RREB1: variants seen among roughly 807,000 people sequenced by gnomAD.
The protein encoded by RREB1 is ras responsive element binding protein 1.
Under a neutral mutation model 117.8 loss-of-function variants are expected in RREB1, and 27 were observed. That is an observed-to-expected ratio of 0.23 (90% CI 0.17 to 0.32). The LOEUF (loss-of-function observed/expected upper bound fraction) is 0.32, where lower values mean the gene tolerates loss of function less well. Among genes scored for constraint, RREB1 ranks in the 10% least tolerant of loss-of-function variants. The pLI is 1.00. For missense variants in RREB1, 2,577 were observed against 2,378.2 expected (o/e 1.08, Z -1.74); for synonymous variants, 1,298 against 1,026.7 (o/e 1.26, Z -5.05).
intron 8 of RREB1, among the ~76,000 whole-genome samples, chr6:7,223,017 G>A (rs562180641): frequency 2.0e-5 from 3 of 152,120 alleles, no homozygotes; most frequent in Non-Finnish European, 4.4e-5. Context: ...CACTTTGGGA[G>A]GCCAATTCAG....
In RREB1 at chr6:7,230,987, C is replaced by T. The variant is rs149129914; in HGVS notation, c.2888C>T (p.Ala963Val). ...PSEAKKPEEE[A>V]GSSEQPSPCP... ...GAAGCCAAGAAGCCTGAGGAGGAGG[C>T]GGGGAGCAGCGAGCAGCCCTCTCCC... The change falls in exon 10 of 13, where the codon GCG becomes GTG. Residue 963 changes from alanine (A) to valine (V), a missense_variant. Transcript: ENST00000379938. The T allele has an allele frequency of 2.3e-4, 364 of 1,614,078 alleles. No individual in the cohort carries two copies. In the African/African-American group the frequency reaches 3.6e-3, roughly 16 times the overall value.
In RREB1 at chr6:7,118,783, C is replaced by T. The variant is rs1330434271; in HGVS notation, c.-285+10723C>T. Among the ~76,000 whole-genome samples, 8 of 147,328 alleles carry T rather than the reference C, an allele frequency of 5.4e-5. No individual in the cohort carries two copies. In the Admixed American group the frequency reaches 5.5e-4, roughly 10 times the overall value. On this transcript the variant is annotated intron_variant, in intron 1 of 12. Transcript: ENST00000379938. ...GTTTTTCACCACCAAATTTGCCAAT[C>T]CCATGGTGTTTTTTTTAATTTTTTT...
chr6:7,239,242 A>C (rs530025490), intron 10 of RREB1, among the ~76,000 whole-genome samples: 1 of 152,224 alleles, frequency 6.6e-6, no homozygotes, highest in Non-Finnish European at 1.5e-5. Flanking sequence ...ACTGGGCCCC[A>C]GCTCTGAAGT....
Position 7,171,079 on chromosome 6 carries a change from C to G in RREB1, c.-284-5576C>G, listed in dbSNP as rs776722097. On this transcript the variant is annotated intron_variant, in intron 1 of 12. Coordinates refer to ENST00000379938, the MANE Select transcript of RREB1 (RefSeq NM_001003699.4). ...TTCTCCCTGCCTCGTGTTGGTGGAT[C>G]TTCTCTGCAAGGTCAGCTCATCAGA... Among the ~76,000 whole-genome samples, 13 of 152,312 alleles carry G rather than the reference C, an allele frequency of 8.5e-5. No homozygotes were observed. The East Asian group carries it at 2.1e-3, about 25-fold the overall frequency.
intron 6 of RREB1, among the ~76,000 whole-genome samples, chr6:7,200,068 T>A (rs1765865641): frequency 6.6e-6 from 1 of 152,198 alleles, no homozygotes; most frequent in African/African-American, 2.4e-5. Flanking sequence ...GACAGTCTCT[T>A]GTGTAGCCTG....
chr6:7,126,283 A>G (rs572154283), intron 1 of RREB1, among the ~76,000 whole-genome samples: 2 of 150,854 alleles, frequency 1.3e-5, no homozygotes, highest in Admixed American at 6.6e-5. Context: ...TACAGGCGTG[A>G]GCCACTGCGC....
At chr6:7,196,485 T>C (rs1223562714) in intron 6 of RREB1, among the ~76,000 whole-genome samples, 1 of 152,048 alleles carries the variant, frequency 6.6e-6, no homozygotes, top group Non-Finnish European at 1.5e-5. Context: ...ATTGGTCAAA[T>C]AAAGTAAACT....
In RREB1 at chr6:7,245,033, G is replaced by A. The variant is rs958164349; in HGVS notation, c.3974-1391G>A. On this transcript the variant is annotated intron_variant, in intron 11 of 12. Transcript: ENST00000379938. ...TGGCCTATTGAGGGAGGGGCATCTCGTACTTGTGCCATAAAACAATGACTT... is the reference window on the plus strand; with the variant it reads ...TGGCCTATTGAGGGAGGGGCATCTCATACTTGTGCCATAAAACAATGACTT... 2.6e-5 allele frequency among the ~76,000 whole-genome samples: 4 copies of A among 152,210 alleles called. No individual in the cohort carries two copies. In the East Asian group the frequency reaches 5.8e-4, roughly 22 times the overall value.
chr6:7,239,010 G>T (rs901454685), intron 10 of RREB1, among the ~76,000 whole-genome samples: 2 of 152,220 alleles, frequency 1.3e-5, no homozygotes, highest in Non-Finnish European at 2.9e-5. Flanking sequence ...GCCAGTGCCG[G>T]TTAAGGCTAG....
chr6:7,209,342 T>G (rs1766454658), intron 6 of RREB1, among the ~76,000 whole-genome samples: 1 of 152,222 alleles, frequency 6.6e-6, no homozygotes. Context: ...AACTCTTAGA[T>G]GCTTTCTTTA....
intron 1 of RREB1, among the ~76,000 whole-genome samples, chr6:7,113,511 T>C (rs1419309345): frequency 6.6e-6 from 1 of 152,190 alleles, no homozygotes; most frequent in Non-Finnish European, 1.5e-5. Context: ...TCCACGTTCA[T>C]GCTGAGAGGA....
chr6:7,175,496 G>A (rs115143840), intron 1 of RREB1, among the ~76,000 whole-genome samples: 3,692 of 152,294 alleles, frequency 0.024, 57 homozygotes, highest in South Asian at 0.054. Flanking sequence ...CAGCTTGTCT[G>A]TAGATGCTCC....
chr6:7,251,527 A>G lies in RREB1; in HGVS notation c.*2559A>G, dbSNP rs1362531527. On this transcript the variant is annotated 3_prime_UTR_variant, in exon 13 of 13. Coordinates refer to ENST00000379938, the MANE Select transcript of RREB1 (RefSeq NM_001003699.4). ...TTTTTTTTTTCTCATTGATTAATGG[A>G]CATGATGCTGAGATTCAATCACTAC... 1 of 132,698 alleles carries G rather than the reference A, an allele frequency of 7.5e-6. No homozygotes were observed. The highest frequency in any genetic ancestry group is 8.3e-5 in the Admixed American group (1 of 12,044). The allele number at this position is 132,698 out of a possible 1,614,324, so 8.2% of individuals were successfully genotyped here.
intron 1 of RREB1, among the ~76,000 whole-genome samples, chr6:7,120,703 G>T (rs1435986046): frequency 6.7e-6 from 1 of 150,130 alleles, no homozygotes; most frequent in Non-Finnish European, 1.5e-5. Flanking sequence ...ACAAGGCCTC[G>T]CTCTGTCAAC....
chr6:7,185,274 T>G (rs1417759823), intron 4 of RREB1: 1 of 152,130 alleles, frequency 6.6e-6, no homozygotes, highest in African/African-American at 2.4e-5. Context: ...TTCCATAGAT[T>G]AGAAAAAAGT....
chr6:7,163,548 C>A (rs758482968), intron 1 of RREB1, among the ~76,000 whole-genome samples: 1 of 152,136 alleles, frequency 6.6e-6, no homozygotes, highest in African/African-American at 2.4e-5. Context: ...CCCGCCACCA[C>A]GCCCGGCTAA....
At chr6:7,243,317 C>T (rs1768824416) in intron 11 of RREB1, among the ~76,000 whole-genome samples, 1 of 152,238 alleles carries the variant, frequency 6.6e-6, no homozygotes, top group Non-Finnish European at 1.5e-5. Flanking sequence ...AGGGCTGTCT[C>T]CACAGTCCTG....
chr6:7,150,116 G>A (rs1261249217), intron 1 of RREB1, among the ~76,000 whole-genome samples: 1 of 151,812 alleles, frequency 6.6e-6, no homozygotes, highest in Non-Finnish European at 1.5e-5. Flanking sequence ...CTCTTTCTTG[G>A]CCTTGTTATA....
At chr6:7,142,740 T>C (rs978154619) in intron 1 of RREB1, among the ~76,000 whole-genome samples, 1 of 152,236 alleles carries the variant, frequency 6.6e-6, no homozygotes, top group Non-Finnish European at 1.5e-5. Flanking sequence ...CCGGCCACTC[T>C]AGGACCCTAG....
Sources: gnomAD v4.1 joint callset for allele counts (sites outside exome capture counted in the v4.1 genomes callset) on GRCh38, gnomAD v4.1.1 for gene constraint, MANE v1.5 for transcripts, NCBI Gene and HGNC (gene_info 2026-07-23, HGNC 2026-07-21) for gene names.